Variants in ROBO2 observed in about 807,000 individuals in gnomAD.
ROBO2 encodes the protein roundabout guidance receptor 2, also known as roundabout homolog 2.
Under a neutral mutation model 160.8 loss-of-function variants are expected in ROBO2, and 53 were observed. That is an observed-to-expected ratio of 0.33 (90% CI 0.26 to 0.41). The LOEUF (loss-of-function observed/expected upper bound fraction) is 0.41. Among genes scored for constraint, ROBO2 ranks in the 10% least tolerant of loss-of-function variants. ROBO2 has a pLI of 1.00. For synonymous variants in ROBO2, 664 were observed against 611.7 expected (o/e 1.09, Z -1.26); for missense variants, 1,577 against 1,722.4 (o/e 0.92, Z 1.49).
intron 2 of ROBO2, chr3:77,317,605 C>G (rs906132436): frequency 3.3e-5 from 36 of 1,095,726 alleles, no homozygotes; most frequent in Non-Finnish European, 4.1e-5. Flanking sequence ...GTGGCACAGC[C>G]GTCTTCTGCT....
chr3:77,256,165 C>T lies in ROBO2; in HGVS notation c.388+157825C>T, dbSNP rs116275160. Among the ~76,000 whole-genome samples, 338 of 152,242 alleles carry T rather than the reference C, an allele frequency of 2.2e-3. 1 individual carries two copies. The highest frequency in any genetic ancestry group is 7.7e-3 in the African/African-American group (320 of 41,528). ...GTCAGTGGTATTCCTGTTTTAATTT[C>T]GCCAGCAGAAGTGGGATTAATAGAT... On this transcript the variant is annotated intron_variant, in intron 2 of 25. Coordinates refer to ENST00000461745, the Ensembl canonical transcript of ROBO2.
chr3:76,219,977 C>G (rs1006702802), intron 2 of ROBO2, among the ~76,000 whole-genome samples: 51 of 152,016 alleles, frequency 3.4e-4, no homozygotes, highest in Non-Finnish European at 6.5e-4. Context: ...CACATATACA[C>G]CATGGAATAC....
chr3:77,173,879 A>G (rs184066158), intron 2 of ROBO2, among the ~76,000 whole-genome samples: 4 of 152,166 alleles, frequency 2.6e-5, no homozygotes, highest in East Asian at 1.9e-4. Flanking sequence ...AGAACTGACC[A>G]TCAGGGAAAT....
At chr3:77,557,967 A>T (rs751539072) in exon 9 of ROBO2, 8 of 1,613,014 alleles carry the variant, frequency 5.0e-6, no homozygotes, top group Non-Finnish European at 5.9e-6. Flanking sequence ...ACCTCCACCT[A>T]TAATTCTACA....
chr3:76,463,436 T>G (rs1384580351), intron 2 of ROBO2, among the ~76,000 whole-genome samples: 1 of 152,120 alleles, frequency 6.6e-6, no homozygotes, highest in African/African-American at 2.4e-5. Flanking sequence ...GGTTCACAAT[T>G]GACATTCCTC....
chr3:76,272,768 ATTT>A (rs1707539948), intron 2 of ROBO2, among the ~76,000 whole-genome samples: 2 of 34,446 alleles, frequency 5.8e-5, no homozygotes, highest in African/African-American at 8.4e-5. Context: ...TATAATATAT[ATTT>A]ATATATAAAA....
intron 1 of ROBO2, among the ~76,000 whole-genome samples, chr3:77,058,824 C>T (rs867967341): frequency 1.3e-5 from 2 of 152,012 alleles, no homozygotes; most frequent in African/African-American, 2.4e-5. Flanking sequence ...AGAGGCAAGC[C>T]GCCACACCTG....
intron 2 of ROBO2, among the ~76,000 whole-genome samples, chr3:76,685,682 T>TA (rs2092670423): frequency 1.3e-5 from 2 of 152,130 alleles, no homozygotes; most frequent in Non-Finnish European, 2.9e-5. Flanking sequence ...AGTCCTTTTT[T>TA]AAAAAACAAA....
At chr3:77,461,254 TTC>T (rs2082212858) in intron 2 of ROBO2, among the ~76,000 whole-genome samples, 2 of 152,062 alleles carry the variant, frequency 1.3e-5, no homozygotes, top group Non-Finnish European at 2.9e-5. Flanking sequence ...TAATAAAACA[TTC>T]TTTTTTCTTT....
chr3:76,926,904 T>C (rs2077025334), intron 2 of ROBO2, among the ~76,000 whole-genome samples: 1 of 152,186 alleles, frequency 6.6e-6, no homozygotes, highest in Non-Finnish European at 1.5e-5. Context: ...TCCGTTTTTT[T>C]TCAAGCATTC....
At chr3:75,926,124 G>C (rs538176507) in intron 1 of ROBO2, among the ~76,000 whole-genome samples, 2 of 152,222 alleles carry the variant, frequency 1.3e-5, no homozygotes, top group Admixed American at 6.5e-5. Flanking sequence ...CCAAAGAATA[G>C]AGGTTTTGCT....
At chr3:76,300,952 A>G (rs551190552) in intron 2 of ROBO2, among the ~76,000 whole-genome samples, 41 of 152,108 alleles carry the variant, frequency 2.7e-4, no homozygotes, top group Non-Finnish European at 4.3e-4. Flanking sequence ...TATCTAAGCA[A>G]TGGGAAGGAG....
At chr3:77,191,966 A>C (rs2081896492) in intron 2 of ROBO2, among the ~76,000 whole-genome samples, 1 of 152,216 alleles carries the variant, frequency 6.6e-6, no homozygotes. Context: ...TAGATAGTAC[A>C]CAGCATGGTC....
chr3:76,078,774 G>A (rs1269634404), intron 2 of ROBO2, among the ~76,000 whole-genome samples: 1 of 152,120 alleles, frequency 6.6e-6, no homozygotes, highest in Admixed American at 6.5e-5. Flanking sequence ...AATTGGAGTA[G>A]ATAATATATA....
chr3:76,990,926 C>T (rs761072689), intron 2 of ROBO2, among the ~76,000 whole-genome samples: 1 of 152,208 alleles, frequency 6.6e-6, no homozygotes, highest in Non-Finnish European at 1.5e-5. Flanking sequence ...CAAGTGCTGG[C>T]GGGCCAAGCA....
intron 2 of ROBO2, among the ~76,000 whole-genome samples, chr3:77,449,706 C>G (rs544548037): frequency 6.6e-6 from 1 of 152,010 alleles, no homozygotes; most frequent in African/African-American, 2.4e-5. Context: ...ATTAGGTGTG[C>G]TTTATATGAC....
At chr3:76,407,066 G>C (rs1170831826) in intron 2 of ROBO2, among the ~76,000 whole-genome samples, 1 of 142,142 alleles carries the variant, frequency 7.0e-6, no homozygotes, top group East Asian at 2.3e-4. Flanking sequence ...AACATGCAAT[G>C]TTTCTTTTTT....
chr3:77,502,307 T>C (rs2087734291), intron 5 of ROBO2, among the ~76,000 whole-genome samples: 1 of 152,152 alleles, frequency 6.6e-6, no homozygotes, highest in Admixed American at 6.5e-5. Flanking sequence ...ACAGAATACA[T>C]CTATATAGAA....
At chr3:75,918,619 T>C (rs1180127448) in intron 1 of ROBO2, among the ~76,000 whole-genome samples, 1 of 152,178 alleles carries the variant, frequency 6.6e-6, no homozygotes, top group African/African-American at 2.4e-5. Context: ...ATAAATTACT[T>C]TGGGCAATAT....
Sources: gnomAD v4.1 joint callset for allele counts (sites outside exome capture counted in the v4.1 genomes callset) on GRCh38, gnomAD v4.1.1 for gene constraint, MANE v1.5 for transcripts, NCBI Gene and HGNC (gene_info 2026-07-23, HGNC 2026-07-21) for gene names.